SLC38A12: variants seen among roughly 807,000 people sequenced by gnomAD.
The protein encoded by SLC38A12 is solute carrier family 38 member 12, also known as putative sodium-coupled neutral amino acid transporter 12.
At chr17:74,837,787 C>G in the SLC38A12 span, 3 of 985,824 alleles carry the variant, frequency 3.0e-6, no homozygotes, top group African/African-American at 5.2e-5. Context: ...TCCTGGGAAA[C>G]ACAGGTGACT....
At chr17:74,795,704 A>T in the SLC38A12 span, 1 of 1,182,462 alleles carries the variant, frequency 8.5e-7, no homozygotes. Flanking sequence ...AAGTGCCTTT[A>T]CTTCCAGGTA....
the SLC38A12 span, among the ~76,000 whole-genome samples, chr17:74,799,355 G>A: frequency 3.3e-5 from 5 of 152,222 alleles, no homozygotes; most frequent in Non-Finnish European, 5.9e-5. Flanking sequence ...AGACCCGGCC[G>A]CAAACTGCCC....
the SLC38A12 span, among the ~76,000 whole-genome samples, chr17:74,794,724 C>T: frequency 6.6e-6 from 1 of 152,132 alleles, no homozygotes. Flanking sequence ...GACTCACACT[C>T]ACCGTGCACC....
chr17:74,779,845 G>A, the SLC38A12 span, among the ~76,000 whole-genome samples: 3 of 152,186 alleles, frequency 2.0e-5, no homozygotes, highest in East Asian at 1.9e-4. Flanking sequence ...AAGGATGTTC[G>A]CTTTAGCTTG....
At chr17:74,786,567 C>T in the SLC38A12 span, among the ~76,000 whole-genome samples, 1 of 151,990 alleles carries the variant, frequency 6.6e-6, no homozygotes, top group Non-Finnish European at 1.5e-5. Flanking sequence ...CGTAACAGGG[C>T]GAGGGGACTA....
At chr17:74,792,656 C>T in the SLC38A12 span, among the ~76,000 whole-genome samples, 1 of 152,220 alleles carries the variant, frequency 6.6e-6, no homozygotes, top group African/African-American at 2.4e-5. Context: ...CTGCACTTAA[C>T]TTAGAGCCGG....
the SLC38A12 span, among the ~76,000 whole-genome samples, chr17:74,821,435 A>G: frequency 6.6e-6 from 1 of 152,200 alleles, no homozygotes; most frequent in East Asian, 1.9e-4. Flanking sequence ...GCCCCAGGTT[A>G]AATTAACGTG....
At chr17:74,781,709 CAG>C in the SLC38A12 span, among the ~76,000 whole-genome samples, 1 of 152,208 alleles carries the variant, frequency 6.6e-6, no homozygotes, top group Non-Finnish European at 1.5e-5. Context: ...AAGCAGAGAA[CAG>C]AGCTGCAGGG....
At chr17:74,826,145 A>T in the SLC38A12 span, among the ~76,000 whole-genome samples, 1 of 152,224 alleles carries the variant, frequency 6.6e-6, no homozygotes, top group Non-Finnish European at 1.5e-5. Flanking sequence ...TGCTCTGACA[A>T]CTTAAGAATG....
the SLC38A12 span, chr17:74,785,446 A>T: frequency 6.3e-7 from 1 of 1,598,958 alleles, no homozygotes; most frequent in Non-Finnish European, 8.6e-7. Flanking sequence ...AAGTTGATTA[A>T]GTTCCGGGCT....
the SLC38A12 span, chr17:74,785,575 G>T: frequency 6.2e-7 from 1 of 1,614,102 alleles, no homozygotes; most frequent in Admixed American, 1.7e-5. Context: ...TGTCAGCCTC[G>T]TCCTGCTGGT....
chr17:74,782,343 C>G, the SLC38A12 span, among the ~76,000 whole-genome samples: 3 of 152,212 alleles, frequency 2.0e-5, no homozygotes, highest in African/African-American at 7.2e-5. Context: ...GCTAGGATTA[C>G]AGGTATGAGC....
At chr17:74,817,833 T>A in the SLC38A12 span, among the ~76,000 whole-genome samples, 14 of 152,228 alleles carry the variant, frequency 9.2e-5, no homozygotes, top group African/African-American at 3.4e-4. Context: ...AGATGAGATC[T>A]GACCTCCCAC....
the SLC38A12 span, among the ~76,000 whole-genome samples, chr17:74,797,480 T>C: frequency 6.6e-6 from 1 of 152,214 alleles, no homozygotes; most frequent in Non-Finnish European, 1.5e-5. Flanking sequence ...CCAGTGACAG[T>C]ATCCTTCCCC....
the SLC38A12 span, among the ~76,000 whole-genome samples, chr17:74,783,992 G>A: frequency 6.6e-6 from 1 of 150,712 alleles, no homozygotes; most frequent in East Asian, 1.9e-4. Flanking sequence ...CTCCCAAAGT[G>A]CCAGGATTAC....
chr17:74,787,147 G>A, the SLC38A12 span, among the ~76,000 whole-genome samples: 1 of 152,210 alleles, frequency 6.6e-6, no homozygotes, highest in African/African-American at 2.4e-5. Flanking sequence ...TTGGAATGGG[G>A]GTTTCAGAGC....
chr17:74,839,419 T>A, the SLC38A12 span: 1 of 324,740 alleles, frequency 3.1e-6, no homozygotes, highest in East Asian at 6.2e-5. Flanking sequence ...AAGCGTCCTG[T>A]CTGGGGGCAG....
chr17:74,782,432 G>C, the SLC38A12 span, among the ~76,000 whole-genome samples: 2 of 152,116 alleles, frequency 1.3e-5, no homozygotes, highest in African/African-American at 2.4e-5. Context: ...TTCAAGGGCC[G>C]TATCTGTCTG....
At chr17:74,813,594 G>A in the SLC38A12 span, among the ~76,000 whole-genome samples, 2 of 152,034 alleles carry the variant, frequency 1.3e-5, no homozygotes, top group Non-Finnish European at 2.9e-5. Context: ...TCTGCCTCCC[G>A]GGTTCAAGCC....
Sources: gnomAD v4.1 joint callset for allele counts (sites outside exome capture counted in the v4.1 genomes callset) on GRCh38, gnomAD v4.1.1 for gene constraint, MANE v1.5 for transcripts, NCBI Gene and HGNC (gene_info 2026-07-23, HGNC 2026-07-21) for gene names.